Variants in AMBRA1 observed in about 807,000 individuals in gnomAD.
The protein encoded by AMBRA1 is autophagy and beclin 1 regulator 1.
Under a neutral mutation model 125.4 loss-of-function variants are expected in AMBRA1, and 47 were observed. The observed-to-expected ratio is 0.37, with a 90% confidence interval of 0.30 to 0.48. AMBRA1 has a LOEUF of 0.48. Among genes scored for constraint, AMBRA1 ranks in the 20% least tolerant of loss-of-function variants. The pLI is 0.99. For missense variants in AMBRA1, 1,331 were observed against 1,693.4 expected, an observed-to-expected ratio of 0.79 and a Z score of 3.76; for synonymous variants, 626 against 655.5, an observed-to-expected ratio of 0.95 and a Z score of 0.69.
chr11:46,449,917 G>A (rs566728305), intron 11 of AMBRA1, among the ~76,000 whole-genome samples: 3 of 152,152 alleles, frequency 2.0e-5, no homozygotes, highest in Admixed American at 1.3e-4. Flanking sequence ...AAATTAGCGG[G>A]GCGTGGTGGC....
chr11:46,437,383 C>T lies in AMBRA1; in HGVS notation c.2633-2346G>A, dbSNP rs116888818. On this transcript the variant is annotated intron_variant, in intron 12 of 17. Transcript: ENST00000683756. ...CTTCCTGGCTACTGCAATGAGCTCA[C>T]AGAGATATGCAAAGGACAAACGAAA... Among the ~76,000 whole-genome samples, 9 of 152,306 alleles carry T rather than the reference C, an allele frequency of 5.9e-5. No homozygotes were observed. The East Asian group carries it at 1.5e-3, about 26-fold the overall frequency.
chr11:46,447,236 A>C (rs1948334136), intron 11 of AMBRA1, among the ~76,000 whole-genome samples: 1 of 151,290 alleles, frequency 6.6e-6, no homozygotes, highest in East Asian at 1.9e-4. Context: ...TGAGACTCTT[A>C]TCGCAAAAAA....
chr11:46,480,621 T>C (rs1463411081), intron 11 of AMBRA1, among the ~76,000 whole-genome samples: 6 of 152,202 alleles, frequency 3.9e-5, no homozygotes, highest in African/African-American at 1.4e-4. Flanking sequence ...AACAAAATAA[T>C]TCATTTTATT....
intron 7 of AMBRA1, among the ~76,000 whole-genome samples, chr11:46,519,905 C>T (rs1951681776): frequency 6.6e-6 from 1 of 151,970 alleles, no homozygotes; most frequent in Non-Finnish European, 1.5e-5. Flanking sequence ...TTTGGGAGGC[C>T]AAGGTGGGCG....
intron 1 of AMBRA1, among the ~76,000 whole-genome samples, chr11:46,589,602 T>C (rs760954567): frequency 6.6e-6 from 1 of 152,044 alleles, no homozygotes; most frequent in African/African-American, 2.4e-5. Flanking sequence ...TGAGATAAAT[T>C]GGAAGTGTGA....
intron 7 of AMBRA1, among the ~76,000 whole-genome samples, chr11:46,513,532 T>C (rs1029042773): frequency 3.9e-5 from 6 of 152,182 alleles, no homozygotes; most frequent in Admixed American, 3.9e-4. Flanking sequence ...AAGGTAGGTA[T>C]GACTACATAC....
chr11:46,526,384 G>A (rs1951972968), intron 7 of AMBRA1, among the ~76,000 whole-genome samples: 1 of 151,920 alleles, frequency 6.6e-6, no homozygotes, highest in Admixed American at 6.6e-5. Flanking sequence ...TCAAGAGAAT[G>A]CAGCAAGCTG....
chr11:46,427,442 G>A (rs189019573), intron 14 of AMBRA1, among the ~76,000 whole-genome samples: 66 of 152,330 alleles, frequency 4.3e-4, no homozygotes, highest in African/African-American at 1.4e-3. Flanking sequence ...GAACAAAAGC[G>A]GAAAGGATCA....
chr11:46,480,099 T>C (rs1358293276), intron 11 of AMBRA1, among the ~76,000 whole-genome samples: 1 of 152,206 alleles, frequency 6.6e-6, no homozygotes, highest in African/African-American at 2.4e-5. Context: ...GCACCTTGAC[T>C]GACCCTTCTG....
rs181836376 is a variant in AMBRA1 at position 46,552,166 on chromosome 11, C to T, written c.-120-3666G>A. 1.8e-4 allele frequency among the ~76,000 whole-genome samples: 26 copies of T among 148,526 alleles called. No individual in the cohort carries two copies. In the East Asian group the frequency reaches 3.2e-3, roughly 18 times the overall value. On this transcript the variant is annotated intron_variant, in intron 1 of 17. Coordinates refer to ENST00000683756, the MANE Select transcript of AMBRA1 (RefSeq NM_001387011.1). ...GGCAGATCACTTGAGGTCAGGAATT[C>T]GGTATTAGCCTGGCCAACATGGCGA... is the stretch of plus-strand genomic sequence containing the variant.
intron 11 of AMBRA1, among the ~76,000 whole-genome samples, chr11:46,479,369 A>T (rs1949964186): frequency 6.6e-6 from 1 of 152,304 alleles, no homozygotes; most frequent in Middle Eastern, 3.4e-3. Flanking sequence ...GGGCTTACCC[A>T]AACAGCTTGC....
At chr11:46,462,965 G>T (rs1042016224) in intron 11 of AMBRA1, among the ~76,000 whole-genome samples, 2 of 151,972 alleles carry the variant, frequency 1.3e-5, no homozygotes, top group Admixed American at 6.6e-5. Flanking sequence ...TATTGGCCAG[G>T]CTGGTCTCAA....
In AMBRA1 at chr11:46,416,789, C is replaced by T. The variant is rs1223310436; in HGVS notation, c.3116+1124G>A. Among the ~76,000 whole-genome samples the T allele has an allele frequency of 3.3e-5, 5 of 152,308 alleles. No homozygotes were observed. In the South Asian group the frequency reaches 6.2e-4, roughly 19 times the overall value. ...CCTGGAGGCAGAAGTGGCATTTAGT[C>T]GGCTGGAACCTTGCAGCGTCCCACG... On this transcript the variant is annotated intron_variant, in intron 15 of 17. Coordinates refer to ENST00000683756, the MANE Select transcript of AMBRA1 (RefSeq NM_001387011.1).
intron 13 of AMBRA1, among the ~76,000 whole-genome samples, chr11:46,434,115 CAAAAAAAAAA>C (rs145761376): frequency 9.3e-5 from 5 of 53,558 alleles, no homozygotes; most frequent in South Asian, 8.0e-4. Context: ...AACTCCGTCT[CAAAAAAAAAA>C]AAAAAAAAAA....
At chr11:46,533,263 T>C (rs1214288964) in intron 7 of AMBRA1, among the ~76,000 whole-genome samples, 3 of 152,110 alleles carry the variant, frequency 2.0e-5, no homozygotes, top group Admixed American at 2.0e-4. Flanking sequence ...AAATTGTTAA[T>C]AGCAGATCTC....
intron 1 of AMBRA1, among the ~76,000 whole-genome samples, chr11:46,569,330 A>C (rs910301897): frequency 6.7e-6 from 1 of 150,024 alleles, no homozygotes; most frequent in African/African-American, 2.4e-5. Flanking sequence ...GTATGCATAT[A>C]ATAGTTTTTG....
intron 9 of AMBRA1, among the ~76,000 whole-genome samples, chr11:46,498,030 C>T (rs1950701746): frequency 6.6e-6 from 1 of 152,144 alleles, no homozygotes; most frequent in South Asian, 2.1e-4. Flanking sequence ...CTGCCACTCA[C>T]TTCCGTGCTG....
At chr11:46,588,434 A>G (rs1013248426) in intron 1 of AMBRA1, among the ~76,000 whole-genome samples, 2 of 152,192 alleles carry the variant, frequency 1.3e-5, no homozygotes, top group Non-Finnish European at 2.9e-5. Flanking sequence ...AGAGTACTTT[A>G]TCCTTTTAAA....
chr11:46,492,557 A>T (rs997505081), intron 11 of AMBRA1, among the ~76,000 whole-genome samples: 3 of 152,220 alleles, frequency 2.0e-5, no homozygotes, highest in African/African-American at 7.2e-5. Context: ...TCATAAATTT[A>T]TAAGTCGGCA....
Sources: gnomAD v4.1 joint callset for allele counts (sites outside exome capture counted in the v4.1 genomes callset) on GRCh38, gnomAD v4.1.1 for gene constraint, MANE v1.5 for transcripts, NCBI Gene and HGNC (gene_info 2026-07-23, HGNC 2026-07-21) for gene names.